HERC2: variants seen among roughly 807,000 people sequenced by gnomAD.
The protein encoded by HERC2 is HECT and RLD domain containing E3 ubiquitin protein ligase 2.
A neutral mutation model predicts 537.7 loss-of-function variants in HERC2; 102 were observed. The observed-to-expected ratio is 0.19, with a 90% confidence interval of 0.16 to 0.22. The LOEUF (loss-of-function observed/expected upper bound fraction) is 0.22. Ranked by LOEUF, HERC2 falls within the 10% of genes least tolerant of loss-of-function variation. The pLI, the probability that HERC2 is intolerant of heterozygous loss-of-function variation, is 1.00. For synonymous variants in HERC2, 2,224 were observed against 2,466.2 expected (o/e 0.90, Z 2.91); for missense variants, 4,236 against 6,198.2 (o/e 0.68, Z 10.63).
At chr15:28,137,955 T>C (rs780524814) in intron 78 of HERC2, among the ~76,000 whole-genome samples, 11 of 152,338 alleles carry the variant, frequency 7.2e-5, no homozygotes, top group Non-Finnish European at 1.6e-4. Context: ...ATGATGAGAA[T>C]GCAAAACAGT....
intron 69 of HERC2, 113 bp downstream of exon 69, chr15:28,162,981 G>A: frequency 1.1e-6 from 1 of 897,284 alleles, no homozygotes; most frequent in Non-Finnish European, 1.7e-6. Flanking sequence ...AGTCTACTAG[G>A]ATGAAACCCA....
chr15:28,177,951 G>C lies in HERC2; in HGVS notation c.9164-442C>G, dbSNP rs185441708. Among the ~76,000 whole-genome samples, 60 of 152,180 alleles carry C rather than the reference G, an allele frequency of 3.9e-4. No individual in the cohort carries two copies. The highest frequency in any genetic ancestry group is 1.5e-3 in the East Asian group (8 of 5,168). On this transcript the variant is annotated intron_variant, in intron 59 of 92. Coordinates refer to ENST00000261609, the MANE Select transcript of HERC2 (RefSeq NM_004667.6). The surrounding 1 kb of genome is among the most constrained non-coding windows in gnomAD (Gnocchi z 5.0). Reference sequence around the variant, plus strand: ...AATATATTCACTCTTCCCAAAACACGTCAGCTTATGCTCTTTCCCCAGCAT... The same window carrying C: ...AATATATTCACTCTTCCCAAAACACCTCAGCTTATGCTCTTTCCCCAGCAT...
intron 19 of HERC2, among the ~76,000 whole-genome samples, 169 bp from the exon 20 acceptor site, chr15:28,254,687 G>A (rs374479623): frequency 5.3e-5 from 8 of 152,190 alleles, no homozygotes; most frequent in African/African-American, 1.9e-4. Flanking sequence ...TAACTCAGTT[G>A]TGCAGTTTCA....
intron 4 of HERC2, among the ~76,000 whole-genome samples, chr15:28,289,399 C>T (rs1567123263): frequency 1.3e-5 from 1 of 79,318 alleles, no homozygotes; most frequent in Non-Finnish European, 4.1e-5. Context: ...GTGCATGCAC[C>T]TTATAACATT....
Position 28,113,539 on chromosome 15 carries a change from G to GCCCCAC in HERC2, c.14019+33_14019+34insGTGGGG. 2 of 1,569,354 alleles carry GCCCCAC rather than the reference G, an allele frequency of 1.3e-6. No individual in the cohort carries two copies. Among genetic ancestry groups the GCCCCAC allele is most frequent in the Non-Finnish European group, 1.8e-6 (2 of 1,139,676 alleles). ...TTTGTGGGTCAGCAGGCAAAAGGCA[G>GCCCCAC]CTGCAGGGCAGCCCCACCTGGGGGT... On this transcript the variant is annotated intron_variant, in intron 91 of 92. Transcript: ENST00000261609. This position sits in a 1 kb window ranked among gnomAD's most constrained non-coding sequence, Gnocchi z 7.0.
chr15:28,233,592 G>A, intron 28 of HERC2, 31 bp from the exon 29 acceptor site: 1 of 1,613,756 alleles, frequency 6.2e-7, no homozygotes, highest in Non-Finnish European at 8.5e-7. Flanking sequence ...GAAGGGCAGG[G>A]ATGAATATGT....
intron 48 of HERC2, among the ~76,000 whole-genome samples, chr15:28,199,615 G>C (rs1897699628): frequency 6.6e-6 from 1 of 152,198 alleles, no homozygotes; most frequent in African/African-American, 2.4e-5. Context: ...GATAGGTCTA[G>C]ATGATGACGC....
chr15:28,179,905 AAG>A (rs1186211090), intron 57 of HERC2, among the ~76,000 whole-genome samples: 19 of 152,258 alleles, frequency 1.2e-4, no homozygotes, highest in African/African-American at 4.6e-4. Flanking sequence ...GTATTATTAC[AAG>A]AGTCAAAAAG....
At chr15:28,141,935 C>T (rs1891266795) in intron 76 of HERC2, 89 bp from the exon 77 acceptor site, 1 of 1,038,882 alleles carries the variant, frequency 9.6e-7, no homozygotes, top group African/African-American at 1.6e-5. Flanking sequence ...GAATCCCTGC[C>T]TAAAAATATG....
intron 86 of HERC2, 78 bp from the exon 87 acceptor site, chr15:28,117,232 G>A (rs747483943): frequency 5.0e-6 from 7 of 1,411,246 alleles, no homozygotes; most frequent in Middle Eastern, 1.7e-4. Flanking sequence ...CGGCACTGGC[G>A]AATGCACGAG....
chr15:28,291,389 G>T (rs925338856), intron 4 of HERC2, among the ~76,000 whole-genome samples: 2 of 151,848 alleles, frequency 1.3e-5, no homozygotes, highest in East Asian at 3.9e-4. Context: ...CATGGCAGGC[G>T]TCACAAATTA....
In HERC2 at chr15:28,168,704, C is replaced by T. The variant is rs1212582151; in HGVS notation, c.10230-114G>A. 3 of 867,076 alleles carry T rather than the reference C, an allele frequency of 3.5e-6. No individual in the cohort carries two copies. In the Admixed American group the frequency reaches 9.6e-5, roughly 28 times the overall value. The allele number at this position is 867,076 out of a possible 1,614,324, so 53.7% of individuals were successfully genotyped here. On this transcript the variant is annotated intron_variant, in intron 66 of 92. Transcript: ENST00000261609. Reference sequence around the variant, plus strand: ...GGCGTTTCCTCATTTTTACTGAATACATGTAGAAGAGTTTTGGAAAACTAC... The same window carrying T: ...GGCGTTTCCTCATTTTTACTGAATATATGTAGAAGAGTTTTGGAAAACTAC...
At chr15:28,198,858 A>T (rs1897613268) in intron 48 of HERC2, 89 bp from the exon 49 acceptor site, 3 of 1,267,342 alleles carry the variant, frequency 2.4e-6, no homozygotes, top group East Asian at 2.3e-5. Flanking sequence ...CTCTTAATAA[A>T]GAATTCTGAC....
rs140996437 is a variant in HERC2 at position 28,192,571 on chromosome 15, C to G, written c.8261-420G>C. ...AACTGGCATTCCCCATCAAAGACAACTAGTAAAGCCAGACAAAACACTCAA... is the reference window on the plus strand; with the variant it reads ...AACTGGCATTCCCCATCAAAGACAAGTAGTAAAGCCAGACAAAACACTCAA... On this transcript the variant is annotated intron_variant, in intron 52 of 92. Transcript: ENST00000261609. Among the ~76,000 whole-genome samples the G allele has an allele frequency of 3.6e-3, 544 of 152,328 alleles. 6 individuals carry two copies. Among genetic ancestry groups the G allele is most frequent in the African/African-American group, 0.012 (518 of 41,584 alleles).
chr15:28,163,046 A>C, intron 69 of HERC2, 48 bp downstream of exon 69: 2 of 1,509,110 alleles, frequency 1.3e-6, no homozygotes, highest in Non-Finnish European at 9.0e-7. Flanking sequence ...AGGGTGGCCC[A>C]ACATGGAGGA....
intron 4 of HERC2, among the ~76,000 whole-genome samples, chr15:28,289,349 A>G (rs2076248368): frequency 6.6e-6 from 1 of 151,948 alleles, no homozygotes. Context: ...CTGGAGATAA[A>G]GGGGGTCAAA....
chr15:28,112,483 G>GA (rs1296911100), intron 92 of HERC2, among the ~76,000 whole-genome samples: 3 of 152,242 alleles, frequency 2.0e-5, no homozygotes, highest in Admixed American at 6.5e-5. Context: ...AGGTGACCCT[G>GA]AAAGACGGCC....
chr15:28,181,560 G>A (rs1414173430), intron 57 of HERC2, among the ~76,000 whole-genome samples: 1 of 152,228 alleles, frequency 6.6e-6, no homozygotes, highest in Admixed American at 6.5e-5. Context: ...ATGTCTCACA[G>A]AATACTAACA....
intron 86 of HERC2, 109 bp downstream of exon 86, chr15:28,121,237 T>C (rs1416768549): frequency 2.2e-6 from 2 of 904,852 alleles, no homozygotes; most frequent in Non-Finnish European, 3.6e-6. Flanking sequence ...CTCTTTAAAG[T>C]TGGGGTGCAC....
Sources: gnomAD v4.1 joint callset for allele counts (sites outside exome capture counted in the v4.1 genomes callset) on GRCh38, gnomAD v4.1.1 for gene constraint, Gnocchi (gnomAD v3.1) non-coding constraint, MANE v1.5 for transcripts, NCBI Gene and HGNC (gene_info 2026-07-23, HGNC 2026-07-21) for gene names.